Variants in DNAAF4 observed in about 807,000 individuals in gnomAD.
DNAAF4 encodes dynein axonemal assembly factor 4, also known as dynein assembly factor 4, axonemal.
DNAAF4 carries 43 observed loss-of-function variants against 51.8 expected under a neutral mutation model. That is an observed-to-expected ratio of 0.83 (90% CI 0.65 to 1.07). The LOEUF (loss-of-function observed/expected upper bound fraction) is 1.07. Among genes scored for constraint, DNAAF4 ranks in the 50% least tolerant of loss-of-function variants. The probability of loss-of-function intolerance (pLI) is 0.00; values close to 1 mark genes in which losing one functional copy is unlikely to be tolerated. For missense variants in DNAAF4, 581 were observed against 493.0 expected, an observed-to-expected ratio of 1.18 and a Z score of -1.69; for synonymous variants, 194 against 165.6, an observed-to-expected ratio of 1.17 and a Z score of -1.32.
intron 6 of DNAAF4, 123 bp from the exon 7 acceptor site, chr15:55,439,704 G>C (rs576722659): frequency 1.3e-4 from 104 of 789,030 alleles, no homozygotes; most frequent in South Asian, 1.1e-3. Flanking sequence ...GAGTGTTTGT[G>C]TCTTCTCCAC....
chr15:55,499,642 G>A (rs1448923037), intron 1 of DNAAF4, among the ~76,000 whole-genome samples: 9 of 152,102 alleles, frequency 5.9e-5, no homozygotes, highest in Non-Finnish European at 2.9e-5. Context: ...CACCTATATA[G>A]GTTTTGCTCC....
intron 9 of DNAAF4, among the ~76,000 whole-genome samples, chr15:55,431,378 AC>A (rs2057491046): frequency 6.6e-6 from 1 of 151,930 alleles, no homozygotes; most frequent in Non-Finnish European, 1.5e-5. Flanking sequence ...ACACACACAC[AC>A]ACACACACAC....
intron 7 of DNAAF4, among the ~76,000 whole-genome samples, chr15:55,424,067 G>A (rs2057410051): frequency 6.6e-6 from 1 of 151,882 alleles, no homozygotes; most frequent in Non-Finnish European, 1.5e-5. Context: ...TCTAGCCTGG[G>A]TGACAAAGCA....
chr15:55,420,028 T>C (rs1268454487), intron 7 of DNAAF4, among the ~76,000 whole-genome samples: 1 of 152,024 alleles, frequency 6.6e-6, no homozygotes, highest in Admixed American at 6.6e-5. Context: ...AAAAAAAGTA[T>C]TTTGGGAGAA....
chr15:55,434,075 T>C (rs2057569927), intron 8 of DNAAF4, among the ~76,000 whole-genome samples: 1 of 104,424 alleles, frequency 9.6e-6, no homozygotes, highest in African/African-American at 3.4e-5. Flanking sequence ...TATCAGGTTT[T>C]CCAGAAGAGA....
At chr15:55,475,409 A>G (rs774348730) in intron 4 of DNAAF4, among the ~76,000 whole-genome samples, 24 of 152,224 alleles carry the variant, frequency 1.6e-4, no homozygotes, top group Non-Finnish European at 3.2e-4. Flanking sequence ...GAAAGGTAAG[A>G]AGCTGTGCCC....
In DNAAF4 at chr15:55,482,173, T is replaced by A. The variant is rs60795930; in HGVS notation, c.405+8950A>T. 7.9e-3 allele frequency among the ~76,000 whole-genome samples: 1,201 copies of A among 152,304 alleles called. 13 individuals are homozygous for A. Among genetic ancestry groups the A allele is most frequent in the African/African-American group, 0.024 (1,001 of 41,560 alleles). On this transcript the variant is annotated intron_variant, in intron 4 of 9. Coordinates refer to ENST00000321149, the MANE Select transcript of DNAAF4 (RefSeq NM_130810.4). The stretch of plus-strand genomic sequence containing the variant: ...ATTCTTTGTTTAATGTGCCAAGAAC[T>A]GGGACAACTCATAGTCAAGACTTTC...
chr15:55,441,571 A>AT (rs982043038), intron 6 of DNAAF4, among the ~76,000 whole-genome samples: 1 of 87,952 alleles, frequency 1.1e-5, no homozygotes, highest in African/African-American at 4.5e-5. Flanking sequence ...CCCTCCCACC[A>AT]CCCCACAACA....
At chr15:55,449,532 C>T (rs991072637) in intron 6 of DNAAF4, among the ~76,000 whole-genome samples, 15 of 149,602 alleles carry the variant, frequency 1.0e-4, no homozygotes, top group East Asian at 2.2e-4. Flanking sequence ...GACATGCTGG[C>T]GCATGCCTGT....
At chr15:55,503,137 C>A (rs1245749143) in intron 1 of DNAAF4, among the ~76,000 whole-genome samples, 1 of 151,854 alleles carries the variant, frequency 6.6e-6, no homozygotes, top group Non-Finnish European at 1.5e-5. Flanking sequence ...TCAGAGAATA[C>A]TATAAACACC....
At chr15:55,427,249 G>T (rs1288479539), downstream of DNAAF4, among the ~76,000 whole-genome samples, 2 of 151,964 alleles carry the variant, frequency 1.3e-5, no homozygotes, top group African/African-American at 4.8e-5. Context: ...TGTTTTTTTA[G>T]TAGAGACGGG....
intron 4 of DNAAF4, among the ~76,000 whole-genome samples, chr15:55,477,080 G>A (rs754720525): frequency 6.6e-6 from 1 of 152,074 alleles, no homozygotes; most frequent in African/African-American, 2.4e-5. Flanking sequence ...GCTGAGGCAG[G>A]AGAATCACTT....
chr15:55,485,377 A>G (rs1467141875), intron 4 of DNAAF4, among the ~76,000 whole-genome samples: 1 of 152,232 alleles, frequency 6.6e-6, no homozygotes, highest in Non-Finnish European at 1.5e-5. Flanking sequence ...TTTGTACATT[A>G]GTTATACATG....
chr15:55,480,668 C>A (rs140250889), intron 4 of DNAAF4, among the ~76,000 whole-genome samples: 2 of 152,154 alleles, frequency 1.3e-5, no homozygotes, highest in East Asian at 3.9e-4. Flanking sequence ...GGTAGGGTTA[C>A]GAATAACTGC....
chr15:55,446,183 G>T (rs578215867), intron 6 of DNAAF4, among the ~76,000 whole-genome samples: 2 of 145,790 alleles, frequency 1.4e-5, no homozygotes, highest in Non-Finnish European at 1.5e-5. Flanking sequence ...CCTCCCAGAC[G>T]GGGTGGCCGG....
At chr15:55,493,998 T>C (rs2058606883) in intron 3 of DNAAF4, among the ~76,000 whole-genome samples, 1 of 151,692 alleles carries the variant, frequency 6.6e-6, no homozygotes, top group Non-Finnish European at 1.5e-5. Flanking sequence ...TGAGCCACTG[T>C]AACCTGGCAA....
At chr15:55,505,593 A>G (rs2058723037) in intron 1 of DNAAF4, among the ~76,000 whole-genome samples, 1 of 152,222 alleles carries the variant, frequency 6.6e-6, no homozygotes, top group Non-Finnish European at 1.5e-5. Context: ...GCCATAAAAA[A>G]GGAGGAGTTC....
In DNAAF4 at chr15:55,433,974, T is replaced by TA. The variant is rs2057560698; in HGVS notation, c.1047+930dup. On this transcript the variant is annotated intron_variant, in intron 8 of 9. Transcript: ENST00000321149. Reference sequence around the variant, plus strand: ...TATATAATATATATAATATATTTTATATATTATATATAATATATATAATAT... The same window carrying TA: ...TATATAATATATATAATATATTTTATAATATTATATATAATATATATAATAT... Among the ~76,000 whole-genome samples the TA allele has an allele frequency of 1.3e-4, 7 of 52,494 alleles. No individual in the cohort carries two copies. The Admixed American group carries it at 2.4e-3, about 18-fold the overall frequency. 34.4% of individuals were successfully genotyped at this position (52,494 alleles called of 152,430 possible). A position where few individuals can be genotyped will look rare whatever the true frequency, so the allele number is the denominator to read the frequency against.
At chr15:55,505,520 T>C (rs531850963) in intron 1 of DNAAF4, among the ~76,000 whole-genome samples, 11 of 152,288 alleles carry the variant, frequency 7.2e-5, no homozygotes, top group African/African-American at 2.4e-4. Context: ...CCAACCCAAA[T>C]GTCCATCAAT....
Sources: gnomAD v4.1 joint callset for allele counts (sites outside exome capture counted in the v4.1 genomes callset) on GRCh38, gnomAD v4.1.1 for gene constraint, MANE v1.5 for transcripts, NCBI Gene and HGNC (gene_info 2026-07-23, HGNC 2026-07-21) for gene names.